Variants in DAB1 observed in about 807,000 individuals in gnomAD.
DAB1 encodes disabled homolog 1.
DAB1 carries 15 observed loss-of-function variants against 64.6 expected under a neutral mutation model. The ratio of observed to expected loss-of-function variants is 0.23; its 90% confidence interval spans 0.16 to 0.36. DAB1 has a LOEUF of 0.36. Among genes scored for constraint, DAB1 ranks in the 10% least tolerant of loss-of-function variants. The pLI is 1.00. For synonymous variants in DAB1, 235 were observed against 251.9 expected (o/e 0.93, Z 0.64); for missense variants, 596 against 706.7 (o/e 0.84, Z 1.78).
At chr1:57,857,996 T>C (rs1653838706) in intron 1 of DAB1, among the ~76,000 whole-genome samples, 1 of 149,996 alleles carries the variant, frequency 6.7e-6, no homozygotes, top group African/African-American at 2.4e-5. Flanking sequence ...ACTCACTCAC[T>C]GACACACAGC....
At chr1:58,489,760 G>A (rs1221351693) in intron 3 of DAB1, among the ~76,000 whole-genome samples, 1 of 152,120 alleles carries the variant, frequency 6.6e-6, no homozygotes, top group Non-Finnish European at 1.5e-5. Flanking sequence ...GAGGAATGAT[G>A]AGGCAGCAAC....
chr1:58,113,844 T>C (rs1652139860), intron 5 of DAB1, among the ~76,000 whole-genome samples: 4 of 151,522 alleles, frequency 2.6e-5, no homozygotes, highest in Admixed American at 6.6e-5. Context: ...ACTTTCACAA[T>C]CATGATTTTA....
intron 2 of DAB1, among the ~76,000 whole-genome samples, chr1:57,213,809 T>C (rs983159303): frequency 6.6e-6 from 1 of 152,216 alleles, no homozygotes; most frequent in Non-Finnish European, 1.5e-5. Flanking sequence ...GCTTGCTTGT[T>C]ATTTTCTTGT....
intron 1 of DAB1, among the ~76,000 whole-genome samples, chr1:57,859,840 G>A (rs1653929045): frequency 6.6e-6 from 1 of 152,162 alleles, no homozygotes; most frequent in African/African-American, 2.4e-5. Context: ...TGAATACCAG[G>A]ACTATACCTG....
chr1:57,173,511 T>C (rs1321192655), intron 2 of DAB1, among the ~76,000 whole-genome samples: 1 of 152,194 alleles, frequency 6.6e-6, no homozygotes, highest in Non-Finnish European at 1.5e-5. Context: ...ATATCTCCTA[T>C]GTATATGCAA....
At chr1:58,434,521 G>A (rs1406412650) in intron 3 of DAB1, among the ~76,000 whole-genome samples, 1 of 152,204 alleles carries the variant, frequency 6.6e-6, no homozygotes, top group Non-Finnish European at 1.5e-5. Flanking sequence ...TAGGAAGAAG[G>A]AAAATGGAGG....
chr1:58,101,957 A>T (rs890218819), intron 5 of DAB1, among the ~76,000 whole-genome samples: 6 of 152,214 alleles, frequency 3.9e-5, no homozygotes, highest in African/African-American at 1.4e-4. Flanking sequence ...TCCAGCTGTG[A>T]CATCTACACA....
In DAB1 at chr1:58,043,208, C is replaced by T. The variant is rs1047719183; in HGVS notation, n.387+107303G>A. Among the ~76,000 whole-genome samples, 7 of 152,216 alleles carry T rather than the reference C, an allele frequency of 4.6e-5. No homozygotes were observed. The South Asian group carries it at 6.2e-4, about 14-fold the overall frequency. ...CCAAAATTCTCTGTCCCTTTTGAGC[C>T]GATCTTGTTAGTGGCATTTGCTCCA... On this transcript the variant is annotated intron_variant and non_coding_transcript_variant, in intron 5 of 20. Coordinates refer to the DAB1 transcript ENST00000485760.
intron 2 of DAB1, among the ~76,000 whole-genome samples, chr1:57,256,858 G>C (rs1669805362): frequency 6.6e-6 from 1 of 152,198 alleles, no homozygotes; most frequent in African/African-American, 2.4e-5. Flanking sequence ...GCTGGCCTCT[G>C]TTTGCCAAAG....
chr1:57,487,319 C>T (rs1440538617), intron 7 of DAB1, among the ~76,000 whole-genome samples: 1 of 152,208 alleles, frequency 6.6e-6, no homozygotes, highest in Non-Finnish European at 1.5e-5. Context: ...TTGACCTCTT[C>T]CTCCACCCTG....
At chr1:57,180,571 C>T (rs1662807524) in intron 2 of DAB1, among the ~76,000 whole-genome samples, 1 of 152,090 alleles carries the variant, frequency 6.6e-6, no homozygotes, top group African/African-American at 2.4e-5. Context: ...ATCATCTGGC[C>T]TAAGATAGTC....
intron 5 of DAB1, among the ~76,000 whole-genome samples, chr1:58,059,543 A>T (rs1167698202): frequency 6.6e-6 from 1 of 152,206 alleles, no homozygotes; most frequent in Admixed American, 6.5e-5. Flanking sequence ...CTTTTTATTT[A>T]TGCACATATC....
chr1:58,357,582 C>T (rs945141936), intron 3 of DAB1, among the ~76,000 whole-genome samples: 4 of 152,244 alleles, frequency 2.6e-5, no homozygotes, highest in African/African-American at 9.6e-5. Context: ...AGGATTCATC[C>T]GAGTTTAGAT....
chr1:58,530,088 A>G (rs1363278217), intron 1 of DAB1, among the ~76,000 whole-genome samples: 1 of 152,108 alleles, frequency 6.6e-6, no homozygotes, highest in East Asian at 1.9e-4. Context: ...TCACCACGTT[A>G]GCCAGGATGG....
chr1:57,019,577 A>T (rs563653545), intron 11 of DAB1, among the ~76,000 whole-genome samples: 23 of 152,292 alleles, frequency 1.5e-4, no homozygotes, highest in African/African-American at 5.5e-4. Flanking sequence ...TCGGCCTGTG[A>T]GTTAAGGCTG....
upstream of DAB1, among the ~76,000 whole-genome samples, chr1:57,428,659 AT>A (rs1445251780): frequency 1.3e-5 from 2 of 152,210 alleles, no homozygotes; most frequent in African/African-American, 4.8e-5. Context: ...ACTAATTTTA[AT>A]TCCTTCAGAT....
At chr1:57,534,558 C>T (rs139077417) in intron 7 of DAB1, among the ~76,000 whole-genome samples, 128 of 152,320 alleles carry the variant, frequency 8.4e-4, no homozygotes, top group East Asian at 1.7e-3. Flanking sequence ...AGGCATCACA[C>T]CCTCCCAGTT....
chr1:57,872,339 A>G (rs566607039), intron 1 of DAB1, among the ~76,000 whole-genome samples: 1 of 152,292 alleles, frequency 6.6e-6, no homozygotes, highest in South Asian at 2.1e-4. Flanking sequence ...AGAGGCCACA[A>G]AGAGACTCCT....
chr1:57,556,365 T>C (rs1309875362), intron 7 of DAB1, among the ~76,000 whole-genome samples: 1 of 152,190 alleles, frequency 6.6e-6, no homozygotes, highest in Non-Finnish European at 1.5e-5. Flanking sequence ...CTGTTTTCCA[T>C]AGTGGTTGTA....
Sources: gnomAD v4.1 joint callset for allele counts (sites outside exome capture counted in the v4.1 genomes callset) on GRCh38, gnomAD v4.1.1 for gene constraint, MANE v1.5 for transcripts, NCBI Gene and HGNC (gene_info 2026-07-23, HGNC 2026-07-21) for gene names.